Variants in LAMA2 observed in about 807,000 individuals in gnomAD.
LAMA2 encodes laminin subunit alpha 2, also known as laminin subunit alpha-2.
A neutral mutation model predicts 364.8 loss-of-function variants in LAMA2; 269 were observed. The observed-to-expected ratio is 0.74, with a 90% confidence interval of 0.67 to 0.82. The LOEUF (loss-of-function observed/expected upper bound fraction) is 0.82. Among genes scored for constraint, LAMA2 ranks in the 40% least tolerant of loss-of-function variants. The probability of loss-of-function intolerance (pLI) is 0.00; values close to 1 mark genes in which losing one functional copy is unlikely to be tolerated. For synonymous variants in LAMA2, 1,379 were observed against 1,370.6 expected (o/e 1.01, Z -0.14); for missense variants, 3,807 against 3,873.2 (o/e 0.98, Z 0.45).
chr6:129,118,904 G>A (rs1171215134), intron 4 of LAMA2, among the ~76,000 whole-genome samples: 1 of 152,192 alleles, frequency 6.6e-6, no homozygotes, highest in Non-Finnish European at 1.5e-5. Context: ...AACTAAGTCT[G>A]AAAACTTTTT....
At chr6:128,963,172 C>T (rs920951283) in intron 1 of LAMA2, among the ~76,000 whole-genome samples, 1 of 152,010 alleles carries the variant, frequency 6.6e-6, no homozygotes, top group African/African-American at 2.4e-5. Flanking sequence ...ACTAGATAAT[C>T]GTTAAAGCCC....
At chr6:129,225,968 TA>T (rs1468534312) in intron 12 of LAMA2, among the ~76,000 whole-genome samples, 1 of 152,198 alleles carries the variant, frequency 6.6e-6, no homozygotes, top group Non-Finnish European at 1.5e-5. Flanking sequence ...TGTGGGAGTC[TA>T]AGTCTCTTTG....
At chr6:128,922,017 G>T (rs922356603) in intron 1 of LAMA2, among the ~76,000 whole-genome samples, 2 of 151,894 alleles carry the variant, frequency 1.3e-5, no homozygotes, top group Admixed American at 6.6e-5. Flanking sequence ...TTCATCCATG[G>T]CCCTACAAAG....
chr6:129,516,088 C>A (rs1337748271), intron 64 of LAMA2, 102 bp from the exon 65 acceptor site: 4 of 1,255,602 alleles, frequency 3.2e-6, no homozygotes, highest in African/African-American at 1.5e-5. Flanking sequence ...CATAAAACAG[C>A]ATTCCAATTT....
At position 129,315,669 on chromosome 6, in the gene LAMA2, C is replaced by A; in HGVS notation, c.3735+14C>A. The A allele has an allele frequency of 6.2e-7, 1 of 1,613,394 alleles. No individual in the cohort carries two copies. The highest frequency in any genetic ancestry group is 1.1e-5 in the South Asian group (1 of 91,074). On this transcript the variant is annotated intron_variant, in intron 25 of 64. Coordinates refer to ENST00000421865, the MANE Select transcript of LAMA2 (RefSeq NM_000426.4). ...GAAGGAAAGAAGGTAAGCACAAGAA[C>A]TTTAATGTCAAGTGAGAACAAGATA...
In LAMA2 at chr6:129,383,847, C is replaced by A. The variant is rs559354402; in HGVS notation, c.5071+614C>A. ...ATAATGCCCCATCCGCACTCGCCCC[C>A]CAAAAAAACCTAGTCCTTAAATATC... is the stretch of plus-strand genomic sequence containing the variant. On this transcript the variant is annotated intron_variant, in intron 35 of 64. Transcript: ENST00000421865. Among the ~76,000 whole-genome samples the A allele has an allele frequency of 5.7e-4, 87 of 152,122 alleles. No individual in the cohort carries two copies. The South Asian group carries it at 0.017, about 30-fold the overall frequency.
intron 12 of LAMA2, among the ~76,000 whole-genome samples, chr6:129,215,556 T>C (rs1783374239): frequency 6.6e-6 from 1 of 152,178 alleles, no homozygotes; most frequent in South Asian, 2.1e-4. Flanking sequence ...CTGTGTGATA[T>C]CATAGAATGA....
intron 1 of LAMA2, among the ~76,000 whole-genome samples, chr6:128,985,086 C>A (rs1783134423): frequency 6.6e-6 from 1 of 152,052 alleles, no homozygotes; most frequent in Non-Finnish European, 1.5e-5. Flanking sequence ...TTTAAAAACT[C>A]TTTTCATAGA....
intron 33 of LAMA2, among the ~76,000 whole-genome samples, chr6:129,368,527 G>A (rs1777900268): frequency 6.6e-6 from 1 of 152,160 alleles, no homozygotes; most frequent in South Asian, 2.1e-4. Context: ...CTTGTATATG[G>A]AGAGAATACA....
intron 1 of LAMA2, among the ~76,000 whole-genome samples, chr6:128,937,082 T>G (rs1353938464): frequency 6.6e-6 from 1 of 152,210 alleles, no homozygotes; most frequent in Non-Finnish European, 1.5e-5. Flanking sequence ...ATTTTCCACT[T>G]AATATTTTCA....
rs751598625 is a variant in LAMA2, at chr6:129,260,701, T to A, written c.2097-10T>A. On this transcript the variant is annotated splice_polypyrimidine_tract_variant and intron_variant, in intron 14 of 64. Coordinates refer to ENST00000421865, the MANE Select transcript of LAMA2 (RefSeq NM_000426.4). ...TACTTATTCACCATCTCTTTTTTCC[T>A]CTGCCATAGGTTGAGCTCTGTTAAC... 6.5e-7 allele frequency: 1 copy of A among 1,545,878 alleles called. No individual in the cohort carries two copies. Among genetic ancestry groups the A allele is most frequent in the Admixed American group, 1.7e-5 (1 of 59,860 alleles).
chr6:129,037,105 T>C (rs892140366), intron 1 of LAMA2, among the ~76,000 whole-genome samples: 1 of 152,238 alleles, frequency 6.6e-6, no homozygotes, highest in Non-Finnish European at 1.5e-5. Flanking sequence ...AATTGGTGTA[T>C]TCTCTTTTGT....
chr6:129,033,414 T>C (rs1436865602), intron 1 of LAMA2, among the ~76,000 whole-genome samples: 4 of 152,182 alleles, frequency 2.6e-5, no homozygotes, highest in African/African-American at 9.6e-5. Context: ...CTGATGCTGT[T>C]GTATTCATCA....
intron 58 of LAMA2, among the ~76,000 whole-genome samples, chr6:129,500,346 G>A (rs890728341): frequency 3.3e-5 from 5 of 152,088 alleles, no homozygotes; most frequent in Non-Finnish European, 5.9e-5. Flanking sequence ...CATCACCTTG[G>A]ATGTCCTTAA....
At chr6:129,221,255 A>T (rs1345341317) in intron 12 of LAMA2, among the ~76,000 whole-genome samples, 1 of 151,012 alleles carries the variant, frequency 6.6e-6, no homozygotes, top group Non-Finnish European at 1.5e-5. Flanking sequence ...TTAAGCCAAG[A>T]TTTCCAAAAA....
chr6:129,266,117 C>T (rs1022360839), intron 15 of LAMA2, among the ~76,000 whole-genome samples: 1 of 151,942 alleles, frequency 6.6e-6, no homozygotes, highest in African/African-American at 2.4e-5. Flanking sequence ...AAAAGAAGGG[C>T]TTTTCATGAT....
At chr6:129,269,673 C>A (rs1369623726) in intron 16 of LAMA2, among the ~76,000 whole-genome samples, 1 of 151,932 alleles carries the variant, frequency 6.6e-6, no homozygotes, top group African/African-American at 2.4e-5. Context: ...AGTGAGATAA[C>A]ATGCAAATAA....
At chr6:129,450,802 A>G (rs954688335) in intron 45 of LAMA2, among the ~76,000 whole-genome samples, 3 of 152,190 alleles carry the variant, frequency 2.0e-5, no homozygotes. Flanking sequence ...ATAACGCACT[A>G]TGCTATTCAG....
At chr6:129,471,233 A>T (rs534774616) in intron 51 of LAMA2, among the ~76,000 whole-genome samples, 1 of 152,038 alleles carries the variant, frequency 6.6e-6, no homozygotes, top group South Asian at 2.1e-4. Context: ...AAAAGCAAGC[A>T]TTAGCATTTA....
Sources: allele counts gnomAD v4.1 joint callset (sites outside exome capture counted in the v4.1 genomes callset), GRCh38; gene constraint gnomAD v4.1.1; transcripts MANE v1.5; gene names NCBI Gene and HGNC (gene_info 2026-07-23, HGNC 2026-07-21).